The following LYPD5 variants were observed in gnomAD, a reference collection of about 807,000 sequenced individuals.
The protein encoded by LYPD5 is ly6/PLAUR domain-containing protein 5.
In LYPD5, 21 loss-of-function variants were observed where a neutral mutation model predicts 19.1. That is an observed-to-expected ratio of 1.10 (90% CI 0.78 to 1.58). The LOEUF is 1.58. LYPD5 is among the 40% of genes most tolerant of loss of function. The pLI, the probability that LYPD5 is intolerant of heterozygous loss-of-function variation, is 0.00. For missense variants in LYPD5, 287 were observed against 329.8 expected (o/e 0.87, Z 1.00); for synonymous variants, 128 against 142.7 (o/e 0.90, Z 0.74).
intron 1 of LYPD5, among the ~76,000 whole-genome samples, chr19:43,809,081 C>T (rs981445139): frequency 1.3e-5 from 2 of 152,144 alleles, no homozygotes; most frequent in African/African-American, 4.8e-5. Context: ...GCCCTGTCAC[C>T]CAGGCTGGAG....
intron 1 of LYPD5, among the ~76,000 whole-genome samples, chr19:43,820,278 T>C (rs984833713): frequency 6.6e-6 from 1 of 152,062 alleles, no homozygotes; most frequent in African/African-American, 2.4e-5. Context: ...TCACAAGACA[T>C]CCCAGCCGTG....
At position 43,797,414 on chromosome 19, in the gene LYPD5, G is replaced by A; in HGVS notation, c.*177C>T. ...CCGGGGATGCTGGTGACTGTGTCCA[G>A]TTTCTTCCAGTACTGTTGGCCAGGT... On this transcript the variant is annotated 3_prime_UTR_variant, in exon 5 of 5. Transcript: ENST00000377950. 1 of 608,594 alleles carries A rather than the reference G, an allele frequency of 1.6e-6. No homozygotes were observed. Among genetic ancestry groups the A allele is most frequent in the Non-Finnish European group, 2.9e-6 (1 of 349,622 alleles). 37.7% of individuals were successfully genotyped at this position (608,594 alleles called of 1,614,324 possible).
Position 43,796,975 on chromosome 19 carries a change from T to C in LYPD5, c.*616A>G, listed in dbSNP as rs1970139265. The stretch of plus-strand genomic sequence containing the variant: ...TGCAGGCTGAATGGTGGAGCTGGGA[T>C]TTGAACCCATGCAGCTTAGCTCCAG... On this transcript the variant is annotated 3_prime_UTR_variant, in exon 5 of 5. Transcript: ENST00000377950. 1 of 152,206 alleles carries C rather than the reference T, an allele frequency of 6.6e-6. No individual in the cohort carries two copies. The highest frequency in any genetic ancestry group is 6.5e-5 in the Admixed American group (1 of 15,278). The allele number at this position is 152,206 out of a possible 1,614,324, so 9.4% of individuals were successfully genotyped here.
Position 43,797,231 on chromosome 19 carries a change from A to C in LYPD5, c.*360T>G. On this transcript the variant is annotated 3_prime_UTR_variant, in exon 5 of 5. Coordinates refer to ENST00000377950, the MANE Select transcript of LYPD5 (RefSeq NM_001031749.3). ...TTCTCATGATGACACTAATAAAGACATCATTGTATAGCTCCCTCCTAGAGC... is the reference window on the plus strand; with the variant it reads ...TTCTCATGATGACACTAATAAAGACCTCATTGTATAGCTCCCTCCTAGAGC... 4.5e-6 allele frequency: 1 copy of C among 222,556 alleles called. No homozygotes were observed. Among genetic ancestry groups the C allele is most frequent in the Non-Finnish European group, 8.8e-6 (1 of 113,668 alleles). 13.8% of individuals were successfully genotyped at this position (222,556 alleles called of 1,614,324 possible).
chr19:43,803,694 T>G (rs189755832), upstream of LYPD5, among the ~76,000 whole-genome samples: 11 of 152,032 alleles, frequency 7.2e-5, no homozygotes, highest in East Asian at 1.9e-3. Context: ...TTTCTATTTC[T>G]ATTTTTTTTA....
upstream of LYPD5, among the ~76,000 whole-genome samples, chr19:43,805,141 G>C (rs139905411): frequency 9.9e-3 from 1,514 of 152,168 alleles, 18 homozygotes; most frequent in African/African-American, 0.035. Flanking sequence ...CAGTTTCCAC[G>C]CATGGTTCCA....
intron 1 of LYPD5, among the ~76,000 whole-genome samples, chr19:43,808,878 A>C (rs927936287): frequency 6.6e-6 from 1 of 152,226 alleles, no homozygotes; most frequent in Admixed American, 6.5e-5. Flanking sequence ...ACAAATCATT[A>C]AATTTTCATA....
upstream of LYPD5, among the ~76,000 whole-genome samples, chr19:43,804,392 A>G (rs10401946): frequency 1.1e-5 from 1 of 91,820 alleles, no homozygotes. Context: ...GACACATCCC[A>G]TTGACAGAAT....
rs147971209 is a variant in LYPD5 at position 43,798,758 on chromosome 19, G to C, written c.370+54C>G. 2,416 of 1,574,634 alleles carry C rather than the reference G, an allele frequency of 1.5e-3. 35 individuals are homozygous for C. In the African/African-American group the frequency reaches 0.029, roughly 19 times the overall value. On this transcript the variant is annotated intron_variant, in intron 3 of 4. Coordinates refer to ENST00000377950, the MANE Select transcript of LYPD5 (RefSeq NM_001031749.3). ...CAGCGGAGGCCACGCCTTCCCCGAG[G>C]CTGCCAGGCCTCTCATCGTCCCTCC...
In LYPD5 at chr19:43,802,339, A is replaced by G. The variant is rs1460502235; in HGVS notation, c.42T>C (p.Phe14=). 2 of 1,551,492 alleles carry G rather than the reference A, an allele frequency of 1.3e-6. No individual in the cohort carries two copies. The highest frequency in any genetic ancestry group is 2.7e-5 in the African/African-American group (2 of 73,004). The change falls in exon 1 of 5, where the codon TTT becomes TTC. Residue 14 remains phenylalanine (F), a synonymous_variant. Transcript: ENST00000377950. ...TACCTGTCAGGCAGAGCGCAGCCCC[A>G]AAGAGGCAGAGCAGAATGACTCTGG... ...GVPRVILLCL[F]GAALCLTGSQ...
chr19:43,799,579 C>A (rs1179265852), intron 2 of LYPD5, 127 bp downstream of exon 2: 17 of 1,055,156 alleles, frequency 1.6e-5, no homozygotes, highest in Non-Finnish European at 2.2e-5. Context: ...CCTCTTCTTC[C>A]TCTCCCTCCC....
At chr19:43,805,491 T>G (rs1354301320), upstream of LYPD5, among the ~76,000 whole-genome samples, 1 of 152,176 alleles carries the variant, frequency 6.6e-6, no homozygotes, top group Non-Finnish European at 1.5e-5. Context: ...TGTATGCCAA[T>G]ATATTCTTTT....
At chr19:43,799,084 C>T in intron 2 of LYPD5, 96 bp from the exon 3 acceptor site, 1 of 1,370,190 alleles carries the variant, frequency 7.3e-7, no homozygotes, top group Non-Finnish European at 9.7e-7. Context: ...TCACTTTCAC[C>T]TACACCTCCT....
At chr19:43,818,794 T>C (rs1314497606) in intron 1 of LYPD5, among the ~76,000 whole-genome samples, 3 of 152,350 alleles carry the variant, frequency 2.0e-5, no homozygotes, top group Admixed American at 6.5e-5. Context: ...GTCTGAACTC[T>C]TTCTTAATTC....
Position 43,796,845 on chromosome 19 carries a change from C to A in LYPD5, c.*746G>T, listed in dbSNP as rs965768691. On this transcript the variant is annotated 3_prime_UTR_variant, in exon 5 of 5. Transcript: ENST00000377950. The stretch of plus-strand genomic sequence containing the variant: ...TCATCTCGTTGAATCCTCACTGCAA[C>A]TACTGTGAAGTAGTTCTTGTCATGT... The A allele has an allele frequency of 6.6e-6, 1 of 152,396 alleles. No homozygotes were observed. Among genetic ancestry groups the A allele is most frequent in the Admixed American group, 6.5e-5 (1 of 15,310 alleles). The allele number at this position is 152,396 out of a possible 1,614,324, so 9.4% of individuals were successfully genotyped here. A position where few individuals can be genotyped will look rare whatever the true frequency, so the allele number is the denominator to read the frequency against.
chr19:43,809,162 C>CTGTAA (rs1970297005), intron 1 of LYPD5, among the ~76,000 whole-genome samples: 1 of 150,118 alleles, frequency 6.7e-6, no homozygotes, highest in African/African-American at 2.5e-5. Context: ...GCCTCAGCCT[C>CTGTAA]CCGAGTAGCT....
At chr19:43,799,286 C>T (rs1405469663) in intron 2 of LYPD5, among the ~76,000 whole-genome samples, 1 of 152,136 alleles carries the variant, frequency 6.6e-6, no homozygotes, top group Non-Finnish European at 1.5e-5. Flanking sequence ...GCTCTGTCGC[C>T]AGGCTGGAGT....
intron 2 of LYPD5, 147 bp from the exon 3 acceptor site, chr19:43,799,135 T>G: frequency 2.7e-6 from 2 of 737,660 alleles, no homozygotes; most frequent in Non-Finnish European, 2.0e-6. Flanking sequence ...CCCAGACCTT[T>G]TCCCCCGAGT....
intron 1 of LYPD5, among the ~76,000 whole-genome samples, chr19:43,820,005 G>T (rs1046630747): frequency 1.6e-5 from 2 of 124,662 alleles, no homozygotes; most frequent in Admixed American, 8.0e-5. Context: ...AGAAGGAAAA[G>T]ACTTCACCAT....
Sources: allele counts gnomAD v4.1 joint callset (sites outside exome capture counted in the v4.1 genomes callset), GRCh38; gene constraint gnomAD v4.1.1; transcripts MANE v1.5; gene names NCBI Gene and HGNC (gene_info 2026-07-23, HGNC 2026-07-21).